The following NFIA variants were observed in gnomAD, a reference collection of about 807,000 sequenced individuals.
The protein encoded by NFIA is nuclear factor I A.
NFIA carries 8 observed loss-of-function variants against 62.8 expected under a neutral mutation model. The observed-to-expected ratio is 0.13, with a 90% CI of 0.07 to 0.23. NFIA has a LOEUF of 0.23. Ranked by LOEUF, NFIA falls within the 10% of genes least tolerant of loss-of-function variation. The probability of loss-of-function intolerance (pLI) is 1.00; values close to 1 mark genes in which losing one functional copy is unlikely to be tolerated. For synonymous variants in NFIA, 235 were observed against 238.1 expected, an observed-to-expected ratio of 0.99 and a Z score of 0.12; for missense variants, 410 against 642.1, an observed-to-expected ratio of 0.64 and a Z score of 3.91.
Position 61,330,446 on chromosome 1 carries a change from CACA to C in NFIA, c.626-2065_626-2063del, listed in dbSNP as rs760302625. ...TTAGGAAATAGATACACCCCCCCCA[CACA>C]CACACACACACGCACACATCTGCAC... On this transcript the variant is annotated intron_variant, in intron 3 of 10. Coordinates refer to ENST00000403491, the MANE Select transcript of NFIA (RefSeq NM_001134673.4). 8.5e-5 allele frequency among the ~76,000 whole-genome samples: 3 copies of C among 35,162 alleles called. 1 individual carries two copies. Among genetic ancestry groups the C allele is most frequent in the Non-Finnish European group, 2.8e-4 (3 of 10,596 alleles). 23.1% of individuals were successfully genotyped at this position (35,162 alleles called of 152,430 possible).
Position 61,306,269 on chromosome 1 carries a change from C to CTTT in NFIA, c.626-26220_626-26218dup, listed in dbSNP as rs774297484. On this transcript the variant is annotated intron_variant, in intron 3 of 10. Coordinates refer to ENST00000403491, the MANE Select transcript of NFIA (RefSeq NM_001134673.4). Reference sequence around the variant, plus strand: ...TCATCCTGGAGACCCAGATTTTGTTCTTTTTTTTTTTTTTTTTTTTTTTTT... The same window carrying CTTT: ...TCATCCTGGAGACCCAGATTTTGTTCTTTTTTTTTTTTTTTTTTTTTTTTTTTT... Among the ~76,000 whole-genome samples, 142 of 60,606 alleles carry CTTT rather than the reference C, an allele frequency of 2.3e-3. 11 individuals are homozygous for CTTT. The highest frequency in any genetic ancestry group is 7.7e-3 in the African/African-American group (100 of 12,922). The allele number at this position is 60,606 out of a possible 152,430, so 39.8% of individuals were successfully genotyped here.
intron 2 of NFIA, among the ~76,000 whole-genome samples, chr1:61,102,946 A>G (rs1646537255): frequency 6.6e-6 from 1 of 152,160 alleles, no homozygotes; most frequent in Non-Finnish European, 1.5e-5. Context: ...GACTTAGGAA[A>G]CTTAGTGCTG....
chr1:61,136,806 G>A (rs1269651270), intron 2 of NFIA, among the ~76,000 whole-genome samples: 1 of 151,810 alleles, frequency 6.6e-6, no homozygotes, highest in African/African-American at 2.4e-5. Context: ...TTGTTTGGGG[G>A]GGTTTTTTCG....
intron 2 of NFIA, among the ~76,000 whole-genome samples, chr1:61,210,773 C>CT (rs1243894089): frequency 6.6e-6 from 1 of 152,210 alleles, no homozygotes; most frequent in African/African-American, 2.4e-5. Context: ...ACCTGCCAGT[C>CT]TCATCTGTAA....
chr1:61,342,315 T>C (rs1661966641), intron 4 of NFIA, among the ~76,000 whole-genome samples: 1 of 152,172 alleles, frequency 6.6e-6, no homozygotes, highest in Non-Finnish European at 1.5e-5. Context: ...GTGGGGCTTA[T>C]GTTTAGCTTA....
intron 9 of NFIA, among the ~76,000 whole-genome samples, chr1:61,422,567 A>G (rs192660871): frequency 7.6e-4 from 116 of 152,216 alleles, no homozygotes; most frequent in African/African-American, 2.7e-3. Flanking sequence ...TTTGGCTAGC[A>G]GTCAGTAAGC....
intron 2 of NFIA, among the ~76,000 whole-genome samples, chr1:61,240,244 T>C (rs958073246): frequency 6.6e-6 from 1 of 152,160 alleles, no homozygotes; most frequent in South Asian, 2.1e-4. Flanking sequence ...AACATTGTTA[T>C]TAATGGATGG....
In NFIA at chr1:61,117,967, T is replaced by C. The variant is rs1646820268; in HGVS notation, c.559+29287T>C. 2.0e-5 allele frequency among the ~76,000 whole-genome samples: 3 copies of C among 152,222 alleles called. No individual in the cohort carries two copies. In the South Asian group the frequency reaches 6.2e-4, roughly 32 times the overall value. On this transcript the variant is annotated intron_variant, in intron 2 of 10. Transcript: ENST00000403491. ...GGGAGGCTGAGGCAGGTGGATTGCC[T>C]GAGATCAGGAGTCCAAGACCAGCCT...
chr1:61,380,983 A>G (rs1569690854), intron 6 of NFIA, among the ~76,000 whole-genome samples: 1 of 152,254 alleles, frequency 6.6e-6, no homozygotes, highest in Non-Finnish European at 1.5e-5. Flanking sequence ...TTAGAATGGC[A>G]TGAATTAGAA....
chr1:61,261,534 C>T (rs932982586), intron 2 of NFIA, among the ~76,000 whole-genome samples: 1 of 152,182 alleles, frequency 6.6e-6, no homozygotes, highest in Non-Finnish European at 1.5e-5. Context: ...GTATCAAATG[C>T]ATTTTCAACT....
At chr1:61,383,559 A>C (rs1000713035) in intron 7 of NFIA, among the ~76,000 whole-genome samples, 194 bp downstream of exon 7, 1 of 152,356 alleles carries the variant, frequency 6.6e-6, no homozygotes, top group East Asian at 1.9e-4. Context: ...TCCTTTCCTA[A>C]GGCAAAAAGA....
chr1:61,144,230 C>T (rs1206736385), intron 2 of NFIA, among the ~76,000 whole-genome samples: 1 of 152,118 alleles, frequency 6.6e-6, no homozygotes, highest in Non-Finnish European at 1.5e-5. Context: ...TGGTCCCCAC[C>T]CCCGACTTAC....
intron 3 of NFIA, among the ~76,000 whole-genome samples, chr1:61,302,202 C>T (rs1207919213): frequency 6.6e-6 from 1 of 152,016 alleles, no homozygotes; most frequent in African/African-American, 2.4e-5. Flanking sequence ...TTAAATGCTC[C>T]GGATGGGTAC....
chr1:61,340,720 G>A (rs950641786), intron 4 of NFIA, among the ~76,000 whole-genome samples: 1 of 152,148 alleles, frequency 6.6e-6, no homozygotes, highest in Non-Finnish European at 1.5e-5. Flanking sequence ...GTGTGTGCGT[G>A]TATAAATTAA....
chr1:61,161,759 A>C (rs334715), intron 2 of NFIA, among the ~76,000 whole-genome samples: 122,335 of 152,030 alleles, frequency 0.8, 50,855 homozygotes, highest in Non-Finnish European at 0.92. Flanking sequence ...ACACACACAC[A>C]CCCCTCTATA....
rs527871476 is a variant in NFIA, at chr1:61,459,838, A to G, written c.*4518A>G. On this transcript the variant is annotated 3_prime_UTR_variant, in exon 11 of 11. Transcript: ENST00000403491. ...GAATTTTTTTTGTTTTTTAGGGGAA[A>G]GGGATTCTAAGAATGTCATTTAATG... 3 of 152,306 alleles carry G rather than the reference A, an allele frequency of 2.0e-5. No individual in the cohort carries two copies. The South Asian group carries it at 6.2e-4, about 32-fold the overall frequency. The allele number at this position is 152,306 out of a possible 1,614,324, so 9.4% of individuals were successfully genotyped here. A position where few individuals can be genotyped will look rare whatever the true frequency, so the allele number is the denominator to read the frequency against.
chr1:61,227,333 G>C (rs1654395355), intron 2 of NFIA, among the ~76,000 whole-genome samples: 1 of 151,574 alleles, frequency 6.6e-6, no homozygotes, highest in Non-Finnish European at 1.5e-5. Flanking sequence ...GAAATTGGTT[G>C]AGCTGTTTCA....
chr1:61,148,017 A>T (rs143488835), intron 2 of NFIA, among the ~76,000 whole-genome samples: 48 of 152,294 alleles, frequency 3.2e-4, no homozygotes, highest in African/African-American at 1.1e-3. Context: ...AGTAGAAGCA[A>T]GGGGTGTTTT....
At chr1:61,219,674 A>G (rs1230987914) in intron 2 of NFIA, among the ~76,000 whole-genome samples, 1 of 145,910 alleles carries the variant, frequency 6.9e-6, no homozygotes, top group Non-Finnish European at 1.5e-5. Flanking sequence ...AGATCGCGCC[A>G]TTGCCCTCCA....
Sources: allele counts gnomAD v4.1 joint callset (sites outside exome capture counted in the v4.1 genomes callset), GRCh38; gene constraint gnomAD v4.1.1; transcripts MANE v1.5; gene names NCBI Gene and HGNC (gene_info 2026-07-23, HGNC 2026-07-21).